The following DLG1 variants were observed in gnomAD, a reference collection of about 807,000 sequenced individuals.
DLG1 encodes disks large homolog 1.
Under a neutral mutation model 123.4 loss-of-function variants are expected in DLG1, and 42 were observed. The observed-to-expected ratio is 0.34, with a 90% CI of 0.27 to 0.44. The LOEUF is 0.44. Among genes scored for constraint, DLG1 ranks in the 20% least tolerant of loss-of-function variants. The pLI, the probability that DLG1 is intolerant of heterozygous loss-of-function variation, is 1.00. For synonymous variants in DLG1, 317 were observed against 356.2 expected (o/e 0.89, Z 1.24); for missense variants, 942 against 1,082.6 (o/e 0.87, Z 1.82).
At chr3:197,078,692 G>A (rs780741862) in intron 17 of DLG1, among the ~76,000 whole-genome samples, 1 of 152,106 alleles carries the variant, frequency 6.6e-6, no homozygotes, top group Non-Finnish European at 1.5e-5. Flanking sequence ...AGATAGACGA[G>A]AAAGTGTTTT....
chr3:197,194,695 G>T, intron 4 of DLG1, 106 bp from the exon 5 acceptor site: 1 of 681,306 alleles, frequency 1.5e-6, no homozygotes. Flanking sequence ...AATATAAAAA[G>T]TATATTTATG....
At chr3:197,131,999 A>G (rs1160151230) in intron 10 of DLG1, among the ~76,000 whole-genome samples, 1 of 152,158 alleles carries the variant, frequency 6.6e-6, no homozygotes, top group Non-Finnish European at 1.5e-5. Flanking sequence ...ATGTCTTTCT[A>G]GCAATCTGTC....
At chr3:197,173,862 G>A (rs1478995355) in intron 5 of DLG1, among the ~76,000 whole-genome samples, 3 of 152,142 alleles carry the variant, frequency 2.0e-5, no homozygotes, top group African/African-American at 7.2e-5. Flanking sequence ...CCAACACTTT[G>A]GGAGGCCGAG....
At chr3:197,243,757 A>G (rs747370324) in intron 4 of DLG1, among the ~76,000 whole-genome samples, 1 of 152,200 alleles carries the variant, frequency 6.6e-6, no homozygotes, top group Non-Finnish European at 1.5e-5. Context: ...TATCCAATCT[A>G]CATTTTTATT....
chr3:197,191,239 A>C (rs911468949), intron 5 of DLG1, among the ~76,000 whole-genome samples: 1 of 151,746 alleles, frequency 6.6e-6, no homozygotes, highest in Non-Finnish European at 1.5e-5. Context: ...GAAACGGAAG[A>C]CTCTGGAGAG....
intron 23 of DLG1, among the ~76,000 whole-genome samples, chr3:197,054,636 T>TC (rs1382409284): frequency 2.6e-4 from 40 of 152,118 alleles, no homozygotes; most frequent in Non-Finnish European, 1.5e-5. Flanking sequence ...TGTATCTTTT[T>TC]CATCTTTTTT....
Position 197,161,595 on chromosome 3 carries a change from A to G in DLG1, c.484-11799T>C, listed in dbSNP as rs774015378. ...AAAAAAGAACACAAATGAAACATTA[A>G]AAGCAAATGAAATTTTTATAAAGAA... On this transcript the variant is annotated intron_variant, in intron 5 of 24. Transcript: ENST00000667157. The G allele has an allele frequency of 2.6e-6, 3 of 1,174,392 alleles. 1 individual carries two copies. In the South Asian group the frequency reaches 5.3e-5, roughly 21 times the overall value. The allele number at this position is 1,174,392 out of a possible 1,614,324, so 72.7% of individuals were successfully genotyped here. A position where few individuals can be genotyped will look rare whatever the true frequency, so the allele number is the denominator to read the frequency against.
At chr3:197,248,341 C>T (rs1014934385) in intron 4 of DLG1, among the ~76,000 whole-genome samples, 14 of 152,078 alleles carry the variant, frequency 9.2e-5, no homozygotes, top group Non-Finnish European at 1.5e-4. Flanking sequence ...CGGGTTTATT[C>T]GTCATGCCAG....
At chr3:197,046,450 C>A (rs577066657) in intron 24 of DLG1, among the ~76,000 whole-genome samples, 16 of 152,296 alleles carry the variant, frequency 1.1e-4, no homozygotes, top group African/African-American at 3.6e-4. Context: ...ACTTTGTAAA[C>A]CTCCTTGCAT....
intron 5 of DLG1, among the ~76,000 whole-genome samples, chr3:197,159,848 C>T (rs1255373666): frequency 3.3e-5 from 5 of 151,998 alleles, no homozygotes; most frequent in Non-Finnish European, 7.4e-5. Flanking sequence ...TTGTGTGTAT[C>T]CTCAATAAAT....
intron 23 of DLG1, among the ~76,000 whole-genome samples, chr3:197,058,323 A>G (rs1285928315): frequency 2.0e-5 from 3 of 152,052 alleles, no homozygotes; most frequent in Non-Finnish European, 4.4e-5. Flanking sequence ...AACTTTCCTA[A>G]TATTTGATTT....
At chr3:197,294,648 ACT>A (rs1455268710) in intron 3 of DLG1, among the ~76,000 whole-genome samples, 7 of 129,802 alleles carry the variant, frequency 5.4e-5, no homozygotes, top group Non-Finnish European at 9.5e-5. Flanking sequence ...ACAGAGTGAG[ACT>A]CTGCCTCAAA....
intron 4 of DLG1, among the ~76,000 whole-genome samples, chr3:197,258,354 T>C (rs1481551335): frequency 7.3e-6 from 1 of 137,592 alleles, no homozygotes; most frequent in African/African-American, 2.7e-5. Flanking sequence ...GGTTTAGTCA[T>C]CACATCTCAC....
intron 18 of DLG1, among the ~76,000 whole-genome samples, chr3:197,072,763 G>C (rs560784488): frequency 6.6e-6 from 1 of 151,928 alleles, no homozygotes; most frequent in South Asian, 2.1e-4. Context: ...CGTGATCTCG[G>C]CTTACTGCAA....
chr3:197,282,412 G>C (rs1409283479), intron 4 of DLG1, among the ~76,000 whole-genome samples: 1 of 152,068 alleles, frequency 6.6e-6, no homozygotes, highest in African/African-American at 2.4e-5. Context: ...GCCTTGTTGA[G>C]GTCTATCATG....
chr3:197,169,680 A>G (rs975100521), intron 5 of DLG1, among the ~76,000 whole-genome samples: 1 of 152,240 alleles, frequency 6.6e-6, no homozygotes, highest in Non-Finnish European at 1.5e-5. Flanking sequence ...AATAATGCTT[A>G]TATTTTACAT....
chr3:197,120,044 G>A (rs769616143), intron 11 of DLG1, among the ~76,000 whole-genome samples: 1 of 152,124 alleles, frequency 6.6e-6, no homozygotes, highest in Non-Finnish European at 1.5e-5. Context: ...CGGATCACCT[G>A]AGGTCAGGAG....
intron 3 of DLG1, among the ~76,000 whole-genome samples, chr3:197,292,487 G>A (rs1435666161): frequency 6.6e-6 from 1 of 152,176 alleles, no homozygotes; most frequent in African/African-American, 2.4e-5. Context: ...ATTCGGTATA[G>A]GATTTCAGTT....
In DLG1 at chr3:197,282,665, A is replaced by AT. The variant is rs1769957847; in HGVS notation, c.318+13dup. The AT allele has an allele frequency of 6.7e-7, 1 of 1,502,000 alleles. No individual in the cohort carries two copies. Among genetic ancestry groups the AT allele is most frequent in the Non-Finnish European group, 8.9e-7 (1 of 1,128,708 alleles). The allele number at this position is 1,502,000 out of a possible 1,614,324, so 93.0% of individuals were successfully genotyped here. ...TCACCAAAAAACAGCTTCAGAACAC[A>AT]TTTTTTATCTCACCTCTACACTAGG... On this transcript the variant is annotated intron_variant, in intron 4 of 24. Transcript: ENST00000667157.
Sources: allele counts gnomAD v4.1 joint callset (sites outside exome capture counted in the v4.1 genomes callset), GRCh38; gene constraint gnomAD v4.1.1; transcripts MANE v1.5; gene names NCBI Gene and HGNC (gene_info 2026-07-23, HGNC 2026-07-21).